CACNA1A: variants seen among roughly 807,000 people sequenced by gnomAD.
CACNA1A encodes the protein voltage-dependent P/Q-type calcium channel subunit alpha-1A.
CACNA1A carries 57 observed loss-of-function variants against 262.4 expected under a neutral mutation model. That is an observed-to-expected ratio of 0.22 (90% CI 0.18 to 0.27). The LOEUF (loss-of-function observed/expected upper bound fraction) is 0.27. Ranked by LOEUF, CACNA1A falls within the 10% of genes least tolerant of loss-of-function variation. CACNA1A has a pLI of 1.00. For missense variants in CACNA1A, 2,526 were observed against 3,562.8 expected, an observed-to-expected ratio of 0.71 and a Z score of 7.41; for synonymous variants, 1,431 against 1,419.3, an observed-to-expected ratio of 1.01 and a Z score of -0.18.
At chr19:13,224,938 G>T in intron 37 of CACNA1A, 166 bp from the exon 38 acceptor site, 1 of 561,782 alleles carries the variant, frequency 1.8e-6, no homozygotes, top group Non-Finnish European at 3.2e-6. Context: ...GTTTCTCTTG[G>T]TGGCCCGCAG....
At chr19:13,254,664 C>A (rs571947959) in intron 29 of CACNA1A, among the ~76,000 whole-genome samples, 1 of 152,248 alleles carries the variant, frequency 6.6e-6, no homozygotes, top group South Asian at 2.1e-4. Flanking sequence ...GCCCAGCCCC[C>A]TCATTTCATT....
intron 29 of CACNA1A, 74 bp downstream of exon 29, chr19:13,255,021 T>C (rs981871266): frequency 2.6e-6 from 4 of 1,512,956 alleles, no homozygotes; most frequent in Non-Finnish European, 3.7e-6. Context: ...CTGCAGATGG[T>C]TTCATTTTAT....
chr19:13,219,964 A>C (rs78795954), intron 38 of CACNA1A, among the ~76,000 whole-genome samples: 3 of 5,324 alleles, frequency 5.6e-4, no homozygotes, highest in African/African-American at 4.2e-3. Context: ...AAAAAAAAAA[A>C]AAGAAAGAAA....
rs1321672420 is a variant in CACNA1A at position 13,298,578 on chromosome 19, T to C, written c.3055A>G (p.Arg1019Gly). 2.0e-5 allele frequency: 31 copies of C among 1,542,744 alleles called. No individual in the cohort carries two copies. Among genetic ancestry groups the C allele is most frequent in the Non-Finnish European group, 2.5e-5 (29 of 1,142,810 alleles). The change falls in exon 19 of 47, where the codon AGG becomes GGG. Residue 1019 changes from arginine (R) to glycine (G), a missense_variant. This residue lies in a region of CACNA1A where 765 missense variants were observed against 748.6 expected (regional missense o/e 1.02). Coordinates refer to ENST00000360228, the MANE Select transcript of CACNA1A (RefSeq NM_001127222.2). ...CGATGCCTCCGCTCCTTGTCCTCCC[T>C]CCGCGCGTCCCCCTCGTACGTGGCT... ...APATYEGDARREDKERRHRRR... is the reference protein window; with the variant it reads ...APATYEGDARGEDKERRHRRR...
At chr19:13,319,396 C>T (rs1170851439) in intron 10 of CACNA1A, among the ~76,000 whole-genome samples, 1 of 152,136 alleles carries the variant, frequency 6.6e-6, no homozygotes, top group African/African-American at 2.4e-5. Context: ...ATTTGCTCAT[C>T]CATTCATCCA....
At chr19:13,503,147 T>G (rs1420692199) in intron 1 of CACNA1A, among the ~76,000 whole-genome samples, 1 of 152,278 alleles carries the variant, frequency 6.6e-6, no homozygotes, top group Middle Eastern at 3.4e-3. Flanking sequence ...ATGGATAGAT[T>G]GTAGTAGAGT....
At position 13,228,603 on chromosome 19, in the gene CACNA1A, G is replaced by T. The variant is rs17846920; in HGVS notation, c.5529-1076C>A. 0.013 allele frequency: 2,820 copies of T among 221,028 alleles called. 58 individuals carry two copies. Among genetic ancestry groups the T allele is most frequent in the African/African-American group, 0.055 (2,157 of 38,922 alleles). The allele number at this position is 221,028 out of a possible 1,614,324, so 13.7% of individuals were successfully genotyped here. A position where few individuals can be genotyped will look rare whatever the true frequency, so the allele number is the denominator to read the frequency against. Reference sequence around the variant, plus strand: ...GGCTCTGTTTTTTTAGAGAGAGAGAGAGATATATATATATATATATATGAA... The same window carrying T: ...GGCTCTGTTTTTTTAGAGAGAGAGATAGATATATATATATATATATATGAA... On this transcript the variant is annotated intron_variant, in intron 36 of 46. Transcript: ENST00000360228.
At chr19:13,336,582 AGAGAGAGAGAGG>A (rs2058569851) in intron 6 of CACNA1A, among the ~76,000 whole-genome samples, 1 of 103,222 alleles carries the variant, frequency 9.7e-6, no homozygotes, top group African/African-American at 3.3e-5. Flanking sequence ...AAAGAGAGAC[AGAGAGAGAGAGG>A]GAGAGAGAGA....
Position 13,209,377 on chromosome 19 carries a change from C to T in CACNA1A, c.6461G>A (p.Arg2154Gln), listed in dbSNP as rs754317278. The T allele has an allele frequency of 1.3e-5, 18 of 1,389,334 alleles. No homozygotes were observed. In the South Asian group the frequency reaches 1.9e-4, roughly 15 times the overall value. The allele number at this position is 1,389,334 out of a possible 1,614,324, so 86.1% of individuals were successfully genotyped here. ...GGCGCGGTGGCTGCGGTCGCGGCGC[C>T]GCTGGTGGTGCCGCTGGTTCTCCTC... ...PPEENQRHHQ[R>Q]RRDRSHRASE... The change falls in exon 45 of 47, where the codon CGG becomes CAG. Residue 2154 changes from arginine to glutamine, a missense_variant. By Grantham distance (43) the Arg-to-Gln change is conservative. Coordinates refer to ENST00000360228, the MANE Select transcript of CACNA1A (RefSeq NM_001127222.2).
chr19:13,452,803 C>A lies in CACNA1A; in HGVS notation c.539+73G>T. 3 of 1,466,536 alleles carry A rather than the reference C, an allele frequency of 2.0e-6. No homozygotes were observed. In the South Asian group the frequency reaches 3.8e-5, roughly 19 times the overall value. The allele number at this position is 1,466,536 out of a possible 1,614,324, so 90.8% of individuals were successfully genotyped here. The stretch of plus-strand genomic sequence containing the variant: ...GGGCTCAGCCTTCCTGAGCCTGGCC[C>A]GGACCACACCAACCAAAAGCCTCGT... On this transcript the variant is annotated intron_variant, in intron 3 of 46. Transcript: ENST00000360228.
chr19:13,313,599 A>C (rs1017213105), intron 11 of CACNA1A, among the ~76,000 whole-genome samples: 1 of 151,966 alleles, frequency 6.6e-6, no homozygotes, highest in Admixed American at 6.6e-5. Context: ...GAAAAATATC[A>C]GTGGGTCTCC....
At chr19:13,239,553 T>C (rs1202513205) in intron 31 of CACNA1A, among the ~76,000 whole-genome samples, 3 of 152,024 alleles carry the variant, frequency 2.0e-5, no homozygotes, top group African/African-American at 4.8e-5. Flanking sequence ...TCATTAAATG[T>C]TTGGTGGGTG....
chr19:13,245,028 G>T (rs548396386), intron 31 of CACNA1A, 154 bp downstream of exon 31: 60 of 649,214 alleles, frequency 9.2e-5, no homozygotes, highest in African/African-American at 8.8e-4. Flanking sequence ...CCTTGTCCCC[G>T]GGGCCCCAGT....
At chr19:13,470,445 T>C (rs1200755921) in intron 1 of CACNA1A, among the ~76,000 whole-genome samples, 1 of 152,224 alleles carries the variant, frequency 6.6e-6, no homozygotes, top group Non-Finnish European at 1.5e-5. Context: ...CCTATCCTCC[T>C]GGTCTCTACT....
At chr19:13,361,222 T>C (rs886479356) in intron 5 of CACNA1A, among the ~76,000 whole-genome samples, 4 of 152,102 alleles carry the variant, frequency 2.6e-5, no homozygotes, top group African/African-American at 9.7e-5. Flanking sequence ...TCTCCCCAAA[T>C]AGCAGGAGGC....
intron 3 of CACNA1A, among the ~76,000 whole-genome samples, chr19:13,372,088 TGAC>T (rs1434481714): frequency 6.6e-6 from 1 of 151,996 alleles, no homozygotes; most frequent in Non-Finnish European, 1.5e-5. Flanking sequence ...CAACCTACAA[TGAC>T]AATAGATTGT....
At chr19:13,220,028 C>T (rs1305847963) in intron 38 of CACNA1A, among the ~76,000 whole-genome samples, 5 of 151,692 alleles carry the variant, frequency 3.3e-5, no homozygotes, top group African/African-American at 7.3e-5. Flanking sequence ...GAGGCTGAGG[C>T]GGGTGGATCA....
At chr19:13,486,190 A>T (rs184276973) in intron 1 of CACNA1A, among the ~76,000 whole-genome samples, 90 of 152,348 alleles carry the variant, frequency 5.9e-4, no homozygotes, top group African/African-American at 2.2e-3. Context: ...GTTCCCATAC[A>T]ATCTCCAATA....
At chr19:13,330,178 C>T (rs959436736) in intron 10 of CACNA1A, 66 bp downstream of exon 10, 6 of 1,203,858 alleles carry the variant, frequency 5.0e-6, no homozygotes, top group Non-Finnish European at 6.0e-6. Context: ...CCTCTGCCCC[C>T]ACCCCACCAT....
Sources: gnomAD v4.1 joint callset for allele counts (sites outside exome capture counted in the v4.1 genomes callset) on GRCh38, gnomAD v4.1.1 for gene constraint, gnomAD v4.1.1 regional missense constraint, MANE v1.5 for transcripts, NCBI Gene and HGNC (gene_info 2026-07-23, HGNC 2026-07-21) for gene names.